WWC1: variants seen among roughly 807,000 people sequenced by gnomAD.
WWC1 encodes WW and C2 domain containing 1.
In WWC1, 55 loss-of-function variants were observed where a neutral mutation model predicts 138.4. The ratio of observed to expected loss-of-function variants is 0.40; its 90% CI spans 0.32 to 0.50. The LOEUF is 0.50. Ranked by LOEUF, WWC1 falls within the 20% of genes least tolerant of loss-of-function variation. The pLI, the probability that WWC1 is intolerant of heterozygous loss-of-function variation, is 0.72. For synonymous variants in WWC1, 524 were observed against 564.9 expected, an observed-to-expected ratio of 0.93 and a Z score of 1.03; for missense variants, 1,226 against 1,420.4, an observed-to-expected ratio of 0.86 and a Z score of 2.20.
chr5:168,384,232 G>A (rs1040007784), intron 2 of WWC1, among the ~76,000 whole-genome samples: 3 of 152,224 alleles, frequency 2.0e-5, no homozygotes, highest in African/African-American at 7.2e-5. Flanking sequence ...TTGGTATAAT[G>A]GGGATAGTAA....
intron 5 of WWC1, among the ~76,000 whole-genome samples, chr5:168,403,006 TTTTCTTTCTTTCTTTCTTTCTTTCTTTC>T (rs72242963): frequency 1.2e-3 from 126 of 105,688 alleles, no homozygotes; most frequent in East Asian, 4.1e-3. Context: ...TGTTGTTTCT[TTTTCTTTCTTTCTTTCTTTCTTTCTTTC>T]TTTCTTTCTT....
intron 1 of WWC1, among the ~76,000 whole-genome samples, chr5:168,360,338 T>G (rs1328794314): frequency 6.6e-6 from 1 of 152,222 alleles, no homozygotes; most frequent in Non-Finnish European, 1.5e-5. Flanking sequence ...ATTTTGCAAA[T>G]ACTCAATGAA....
intron 1 of WWC1, among the ~76,000 whole-genome samples, chr5:168,345,039 C>CA (rs939466473): frequency 2.0e-5 from 3 of 152,166 alleles, no homozygotes; most frequent in Non-Finnish European, 4.4e-5. Flanking sequence ...GTCATTTTTA[C>CA]AAAATATTGA....
At chr5:168,359,368 T>C (rs1176690715) in intron 1 of WWC1, among the ~76,000 whole-genome samples, 1 of 152,060 alleles carries the variant, frequency 6.6e-6, no homozygotes, top group South Asian at 2.1e-4. Flanking sequence ...CACTATAGAG[T>C]TTTTTACCTA....
chr5:168,396,845 C>G (rs1258396165), intron 3 of WWC1, among the ~76,000 whole-genome samples: 2 of 152,096 alleles, frequency 1.3e-5, no homozygotes, highest in Non-Finnish European at 2.9e-5. Context: ...TGGATATATA[C>G]TGGAAGGCAA....
chr5:168,399,687 T>C lies in WWC1; in HGVS notation c.590+120T>C, dbSNP rs1779167494. 5.1e-6 allele frequency: 5 copies of C among 972,264 alleles called. No homozygotes were observed. In the Admixed American group the frequency reaches 1.1e-4, roughly 22 times the overall value. The allele number at this position is 972,264 out of a possible 1,614,324, so 60.2% of individuals were successfully genotyped here. On this transcript the variant is annotated intron_variant, in intron 5 of 22. Coordinates refer to ENST00000265293, the MANE Select transcript of WWC1 (RefSeq NM_015238.3). Reference sequence around the variant, plus strand: ...CCCTTCTCAAAATGTGGCTCTCTCATCATTCAATTCAAGTTCTGTTCCACT... The same window carrying C: ...CCCTTCTCAAAATGTGGCTCTCTCACCATTCAATTCAAGTTCTGTTCCACT...
chr5:168,344,352 C>G lies in WWC1; in HGVS notation c.120-27072C>G, dbSNP rs559733791. ...ACAGGAAAGAACAAGTGGTGAAAAC[C>G]TGGCTTCTAATCCTAAAGCTTCCAA... On this transcript the variant is annotated intron_variant, in intron 1 of 22. Transcript: ENST00000265293. 3.3e-4 allele frequency among the ~76,000 whole-genome samples: 51 copies of G among 152,312 alleles called. 1 individual carries two copies. Among genetic ancestry groups the G allele is most frequent in the African/African-American group, 1.2e-3 (49 of 41,568 alleles).
intron 3 of WWC1, among the ~76,000 whole-genome samples, chr5:168,389,939 G>A (rs1428004138): frequency 6.6e-6 from 1 of 152,168 alleles, no homozygotes; most frequent in Admixed American, 6.5e-5. Context: ...GGATAAAACT[G>A]CCCAAACCAC....
At chr5:168,362,314 T>C (rs1385027391) in intron 1 of WWC1, among the ~76,000 whole-genome samples, 2 of 152,194 alleles carry the variant, frequency 1.3e-5, no homozygotes, top group Non-Finnish European at 2.9e-5. Context: ...GCTCAGTATA[T>C]GTGTTCTTAT....
At chr5:168,385,039 A>T (rs1335486634) in intron 2 of WWC1, among the ~76,000 whole-genome samples, 172 bp from the exon 3 acceptor site, 1 of 152,066 alleles carries the variant, frequency 6.6e-6, no homozygotes, top group Non-Finnish European at 1.5e-5. Flanking sequence ...TATTTGTTTG[A>T]CTACTCCAAA....
At chr5:168,309,456 G>C (rs938593694) in intron 1 of WWC1, among the ~76,000 whole-genome samples, 4 of 152,140 alleles carry the variant, frequency 2.6e-5, no homozygotes, top group Non-Finnish European at 5.9e-5. Flanking sequence ...AGGGTGCATA[G>C]TGGAATGTAG....
At chr5:168,319,307 C>T (rs1049970493) in intron 1 of WWC1, among the ~76,000 whole-genome samples, 2 of 152,146 alleles carry the variant, frequency 1.3e-5, no homozygotes, top group Admixed American at 1.3e-4. Context: ...GTAATCCCAG[C>T]TCCTCGGGAG....
At chr5:168,438,918 A>G (rs61068102) in intron 15 of WWC1, among the ~76,000 whole-genome samples, 21,560 of 152,078 alleles carry the variant, frequency 0.14, 1,648 homozygotes, top group Admixed American at 0.2. Flanking sequence ...ACATAATTCA[A>G]AGAAAAATTG....
In WWC1 at chr5:168,374,807, C is replaced by T. The variant is rs1050648262; in HGVS notation, c.229+3274C>T. Among the ~76,000 whole-genome samples the T allele has an allele frequency of 3.9e-5, 6 of 152,294 alleles. No individual in the cohort carries two copies. The East Asian group carries it at 5.8e-4, about 15-fold the overall frequency. ...TGAGCGACAAATGCCACAGTCCAGG[C>T]GCCCTAGACCTGGGCTGTAGCAATG... is the stretch of plus-strand genomic sequence containing the variant. On this transcript the variant is annotated intron_variant, in intron 2 of 22. Transcript: ENST00000265293.
At chr5:168,337,540 A>G (rs920527049) in intron 1 of WWC1, among the ~76,000 whole-genome samples, 2 of 152,292 alleles carry the variant, frequency 1.3e-5, no homozygotes, top group South Asian at 2.1e-4. Context: ...AAATGTCAAC[A>G]GGTCTCACAG....
chr5:168,445,008 A>T (rs1755117202), intron 17 of WWC1, among the ~76,000 whole-genome samples: 1 of 152,144 alleles, frequency 6.6e-6, no homozygotes, highest in African/African-American at 2.4e-5. Context: ...TTAGAAGTTT[A>T]CTTCTTCTTC....
intron 1 of WWC1, among the ~76,000 whole-genome samples, chr5:168,308,070 C>T (rs1372011696): frequency 6.6e-6 from 1 of 152,164 alleles, no homozygotes; most frequent in Non-Finnish European, 1.5e-5. Flanking sequence ...ATAGAACATC[C>T]TTCAGAAAGA....
At chr5:168,309,321 A>T (rs1770853535) in intron 1 of WWC1, among the ~76,000 whole-genome samples, 1 of 152,138 alleles carries the variant, frequency 6.6e-6, no homozygotes, top group Admixed American at 6.5e-5. Context: ...CGCAAACAAC[A>T]AATCGAAAAT....
chr5:168,399,959 A>G (rs1019876405), intron 5 of WWC1, among the ~76,000 whole-genome samples: 2 of 152,148 alleles, frequency 1.3e-5, no homozygotes, highest in African/African-American at 4.8e-5. Flanking sequence ...TCTTTTTTCC[A>G]TATCCCCTAA....
Sources: gnomAD v4.1 joint callset for allele counts (sites outside exome capture counted in the v4.1 genomes callset) on GRCh38, gnomAD v4.1.1 for gene constraint, MANE v1.5 for transcripts, NCBI Gene and HGNC (gene_info 2026-07-23, HGNC 2026-07-21) for gene names.